ANO2: variants seen among roughly 807,000 people sequenced by gnomAD.
The protein encoded by ANO2 is anoctamin-2.
ANO2 carries 101 observed loss-of-function variants against 124.2 expected under a neutral mutation model. That is an observed-to-expected ratio of 0.81 (90% CI 0.69 to 0.96). The LOEUF is 0.96. ANO2 is among the 40% of genes least tolerant of loss of function. ANO2 has a pLI of 0.00. For synonymous variants in ANO2, 486 were observed against 482.5 expected (o/e 1.01, Z -0.09); for missense variants, 1,293 against 1,274.5 (o/e 1.01, Z -0.22).
In ANO2 at chr12:5,777,218, C is replaced by G. The variant is rs373063946; in HGVS notation, c.1055+22289G>C. ...GCTGTAGGTGAGGCACCAGCTTTAA[C>G]CAAGAGTTGTCAGCATTACAGATGA... On this transcript the variant is annotated intron_variant, in intron 10 of 24. Coordinates refer to ENST00000682330, the MANE Select transcript of ANO2 (RefSeq NM_001364791.2). Among the ~76,000 whole-genome samples, 17 of 152,260 alleles carry G rather than the reference C, an allele frequency of 1.1e-4. No homozygotes were observed. In the East Asian group the frequency reaches 2.5e-3, roughly 22 times the overall value.
chr12:5,874,508 A>G (rs1311620183), intron 3 of ANO2, among the ~76,000 whole-genome samples: 1 of 152,154 alleles, frequency 6.6e-6, no homozygotes, highest in Non-Finnish European at 1.5e-5. Context: ...AAATCCATAC[A>G]AGCCTCTCTG....
At chr12:5,603,944 C>CAAAAAAA (rs63415160) in intron 19 of ANO2, among the ~76,000 whole-genome samples, 17 of 74,042 alleles carry the variant, frequency 2.3e-4, no homozygotes, top group Admixed American at 3.5e-4. Context: ...GATTCCGTCT[C>CAAAAAAA]AAAAAAAAAA....
At chr12:5,595,162 T>C (rs1162206656) in intron 20 of ANO2, among the ~76,000 whole-genome samples, 1 of 152,172 alleles carries the variant, frequency 6.6e-6, no homozygotes, top group Non-Finnish European at 1.5e-5. Flanking sequence ...ATTCATTCCC[T>C]CATCTTTGTG....
At chr12:5,869,288 A>G (rs917812810) in intron 3 of ANO2, among the ~76,000 whole-genome samples, 1 of 152,058 alleles carries the variant, frequency 6.6e-6, no homozygotes, top group African/African-American at 2.4e-5. Context: ...CTCCCTGCTC[A>G]TTACTCTTCT....
At chr12:5,715,804 G>C (rs1404757151) in intron 14 of ANO2, among the ~76,000 whole-genome samples, 1 of 152,194 alleles carries the variant, frequency 6.6e-6, no homozygotes, top group Non-Finnish European at 1.5e-5. Context: ...TAAAGATCTT[G>C]AGCTTCTGGT....
At chr12:5,793,648 G>A (rs1281123062) in intron 10 of ANO2, among the ~76,000 whole-genome samples, 1 of 152,232 alleles carries the variant, frequency 6.6e-6, no homozygotes, top group East Asian at 1.9e-4. Flanking sequence ...GCCTCTTGGT[G>A]CCTTGGGATC....
chr12:5,690,170 T>C (rs1010663045), intron 14 of ANO2, among the ~76,000 whole-genome samples: 1 of 152,084 alleles, frequency 6.6e-6, no homozygotes, highest in Non-Finnish European at 1.5e-5. Flanking sequence ...CAACCGAGCT[T>C]ATGGGATTGA....
At chr12:5,628,091 C>A (rs1269705027) in intron 16 of ANO2, among the ~76,000 whole-genome samples, 1 of 152,098 alleles carries the variant, frequency 6.6e-6, no homozygotes, top group African/African-American at 2.4e-5. Context: ...CAGAGTGAGA[C>A]CCTGTCTATT....
intron 15 of ANO2, among the ~76,000 whole-genome samples, chr12:5,639,506 C>A (rs143423948): frequency 2.9e-4 from 44 of 152,166 alleles, no homozygotes; most frequent in African/African-American, 8.7e-4. Context: ...CGAGAAATAC[C>A]GTGGAGACAA....
intron 3 of ANO2, among the ~76,000 whole-genome samples, chr12:5,866,636 T>C (rs1955434743): frequency 6.6e-6 from 1 of 152,094 alleles, no homozygotes; most frequent in Admixed American, 6.5e-5. Flanking sequence ...AGAGAAGAAG[T>C]GGATGAACAC....
chr12:5,889,201 C>T (rs12317635), intron 3 of ANO2, among the ~76,000 whole-genome samples: 28,415 of 151,992 alleles, frequency 0.19, 2,957 homozygotes, highest in Middle Eastern at 0.28. Context: ...AAGCGCCACG[C>T]GCAGCCCTGG....
At position 5,800,149 on chromosome 12, in the gene ANO2, G is replaced by A. The variant is rs73255110; in HGVS notation, c.991-578C>T. On this transcript the variant is annotated intron_variant, in intron 9 of 24. Transcript: ENST00000682330. ...CATTGAGCTGAGACACAAAGGAAGG[G>A]GGGAGGGTGTCCCAGGCAGGACAGT... 4.6e-3 allele frequency among the ~76,000 whole-genome samples: 699 copies of A among 152,294 alleles called. 8 individuals are homozygous for A. Among genetic ancestry groups the A allele is most frequent in the African/African-American group, 0.016 (665 of 41,550 alleles).
At chr12:5,600,018 C>T (rs1943856088) in intron 19 of ANO2, among the ~76,000 whole-genome samples, 2 of 152,178 alleles carry the variant, frequency 1.3e-5, no homozygotes, top group East Asian at 1.9e-4. Context: ...CTAGGTGAAA[C>T]ATTTTTCAGG....
intron 14 of ANO2, among the ~76,000 whole-genome samples, chr12:5,650,169 C>T (rs996119665): frequency 5.9e-5 from 9 of 152,084 alleles, no homozygotes; most frequent in African/African-American, 1.7e-4. Flanking sequence ...ACTGAGGACA[C>T]GCTGAGGAGA....
chr12:5,707,031 G>A (rs1308307948), intron 14 of ANO2, among the ~76,000 whole-genome samples: 1 of 152,164 alleles, frequency 6.6e-6, no homozygotes, highest in African/African-American at 2.4e-5. Flanking sequence ...ATATGATATG[G>A]TTTGTCTCTG....
intron 3 of ANO2, among the ~76,000 whole-genome samples, chr12:5,874,036 T>C (rs1249635922): frequency 6.6e-6 from 1 of 152,206 alleles, no homozygotes; most frequent in Admixed American, 6.5e-5. Flanking sequence ...TACACACATC[T>C]GTGGAGTCCT....
intron 14 of ANO2, among the ~76,000 whole-genome samples, chr12:5,728,165 G>A (rs1353408580): frequency 1.3e-5 from 2 of 152,064 alleles, no homozygotes; most frequent in Admixed American, 6.6e-5. Flanking sequence ...GGAAATGGGT[G>A]GAGCAAGCAG....
chr12:5,564,077 C>T (rs375361631), intron 24 of ANO2, among the ~76,000 whole-genome samples: 16 of 152,206 alleles, frequency 1.1e-4, no homozygotes, highest in East Asian at 1.9e-4. Context: ...ACACTAGAGA[C>T]GGACTTGAGG....
At chr12:5,654,686 C>T (rs1318301881) in intron 14 of ANO2, among the ~76,000 whole-genome samples, 2 of 152,160 alleles carry the variant, frequency 1.3e-5, no homozygotes, top group Non-Finnish European at 2.9e-5. Context: ...AATGTCAACC[C>T]TACTTCACTT....
Sources: allele counts gnomAD v4.1 joint callset (sites outside exome capture counted in the v4.1 genomes callset), GRCh38; gene constraint gnomAD v4.1.1; transcripts MANE v1.5; gene names NCBI Gene and HGNC (gene_info 2026-07-23, HGNC 2026-07-21).